The following DDC variants were observed in gnomAD, a reference collection of about 807,000 sequenced individuals.
DDC encodes aromatic-L-amino-acid decarboxylase.
In DDC, 43 loss-of-function variants were observed where a neutral mutation model predicts 60.0. The observed-to-expected ratio is 0.72, with a 90% confidence interval of 0.56 to 0.92. The LOEUF (loss-of-function observed/expected upper bound fraction) is 0.92, where lower values mean the gene tolerates loss of function less well. Ranked by LOEUF, DDC falls within the 40% of genes least tolerant of loss-of-function variation. The pLI is 0.00. For missense variants in DDC, 573 were observed against 620.2 expected (o/e 0.92, Z 0.81); for synonymous variants, 232 against 234.6 (o/e 0.99, Z 0.10).
At chr7:50,541,968 G>C (rs1009001360) in intron 2 of DDC, among the ~76,000 whole-genome samples, 4 of 152,130 alleles carry the variant, frequency 2.6e-5, no homozygotes, top group African/African-American at 9.7e-5. Flanking sequence ...CTTGGGGAGT[G>C]GTGGAGAGAG....
At chr7:50,500,292 A>G (rs970105700) in intron 7 of DDC, among the ~76,000 whole-genome samples, 2 of 152,112 alleles carry the variant, frequency 1.3e-5, no homozygotes, top group Non-Finnish European at 2.9e-5. Context: ...AGGGGCACTA[A>G]TTAGTCACAG....
At chr7:50,480,296 G>C (rs147635454) in intron 9 of DDC, among the ~76,000 whole-genome samples, 2 of 152,322 alleles carry the variant, frequency 1.3e-5, no homozygotes, top group Non-Finnish European at 2.9e-5. Flanking sequence ...GTTGGTAAAT[G>C]CTTCATGATG....
rs138684181 is a variant in DDC, at chr7:50,502,279, G to T, written c.781+1714C>A. Among the ~76,000 whole-genome samples the T allele has an allele frequency of 1.9e-3, 289 of 152,236 alleles. 1 individual carries two copies. Among genetic ancestry groups the T allele is most frequent in the African/African-American group, 6.7e-3 (278 of 41,542 alleles). On this transcript the variant is annotated intron_variant, in intron 7 of 14. Transcript: ENST00000444124. ...AGAGGGGGCCCCAGATAGCAGGAAGGCCTGAGCTGGATCCATCCAGGGGAC... is the reference window on the plus strand; with the variant it reads ...AGAGGGGGCCCCAGATAGCAGGAAGTCCTGAGCTGGATCCATCCAGGGGAC...
intron 6 of DDC, among the ~76,000 whole-genome samples, chr7:50,508,006 T>C (rs2043446943): frequency 6.6e-6 from 1 of 152,236 alleles, no homozygotes; most frequent in African/African-American, 2.4e-5. Flanking sequence ...TAGCTCTTGT[T>C]GTCCTGCCAC....
intron 1 of DDC, among the ~76,000 whole-genome samples, chr7:50,550,228 A>C (rs555549254): frequency 1.3e-5 from 2 of 152,390 alleles, no homozygotes; most frequent in African/African-American, 4.8e-5. Context: ...ACATGGAGGC[A>C]AGACCCTGCA....
intron 4 of DDC, among the ~76,000 whole-genome samples, chr7:50,535,862 T>C (rs1275649376): frequency 6.6e-6 from 1 of 152,186 alleles, no homozygotes; most frequent in Non-Finnish European, 1.5e-5. Flanking sequence ...TATCTCAGAT[T>C]GCCTGGATGG....
rs191320305 is a variant in DDC at position 50,506,133 on chromosome 7, G to A, written c.715-2074C>T. On this transcript the variant is annotated intron_variant, in intron 6 of 14. Coordinates refer to ENST00000444124, the MANE Select transcript of DDC (RefSeq NM_001082971.2). ...AATAATTTCAGTGGGCTCTGGGGTC[G>A]CATTTGGTCTGCTCCAGGTCACATT... Among the ~76,000 whole-genome samples, 51 of 152,246 alleles carry A rather than the reference G, an allele frequency of 3.3e-4. No individual in the cohort carries two copies. The East Asian group carries it at 3.5e-3, about 10-fold the overall frequency.
At chr7:50,507,742 A>C (rs967234327) in intron 6 of DDC, among the ~76,000 whole-genome samples, 5 of 152,198 alleles carry the variant, frequency 3.3e-5, no homozygotes, top group African/African-American at 9.7e-5. Flanking sequence ...ATCTTTGCAG[A>C]AACAATAAAA....
intron 9 of DDC, among the ~76,000 whole-genome samples, chr7:50,488,813 A>C (rs201704141): frequency 2.0e-5 from 3 of 152,238 alleles, no homozygotes; most frequent in Admixed American, 6.5e-5. Flanking sequence ...TTCATAAACC[A>C]AAATTTCAAC....
intron 10 of DDC, among the ~76,000 whole-genome samples, chr7:50,476,952 T>C (rs1297583342): frequency 6.6e-6 from 1 of 152,186 alleles, no homozygotes; most frequent in African/African-American, 2.4e-5. Flanking sequence ...CAGTAGAGAG[T>C]TAGCATTCAG....
intron 9 of DDC, among the ~76,000 whole-genome samples, chr7:50,483,882 C>G (rs1004863223): frequency 9.0e-5 from 13 of 144,096 alleles, no homozygotes; most frequent in Non-Finnish European, 1.2e-4. Context: ...CCAGCCTGGG[C>G]GACAGAGCAA....
At chr7:50,471,498 C>T (rs982724349) in intron 11 of DDC, among the ~76,000 whole-genome samples, 6 of 152,182 alleles carry the variant, frequency 3.9e-5, no homozygotes, top group Admixed American at 1.3e-4. Context: ...CTTCTCAAGT[C>T]AAAAGGGAAA....
intron 13 of DDC, 26 bp from the exon 14 acceptor site, chr7:50,463,457 G>A (rs775223995): frequency 3.7e-6 from 6 of 1,603,046 alleles, no homozygotes; most frequent in Non-Finnish European, 4.3e-6. Context: ...GAGAGGAACT[G>A]TGCTCAGGTC....
chr7:50,497,088 A>G (rs1163478164), intron 8 of DDC, among the ~76,000 whole-genome samples: 1 of 152,212 alleles, frequency 6.6e-6, no homozygotes, highest in Non-Finnish European at 1.5e-5. Context: ...AACTTCTCTC[A>G]TTACCCAGCA....
chr7:50,522,067 AAAC>A (rs1259227666), intron 6 of DDC, among the ~76,000 whole-genome samples: 1 of 152,198 alleles, frequency 6.6e-6, no homozygotes, highest in East Asian at 1.9e-4. Flanking sequence ...AGAACTAAGT[AAAC>A]AATTATGGCA....
At chr7:50,484,653 G>A (rs573539404) in intron 9 of DDC, among the ~76,000 whole-genome samples, 1 of 152,094 alleles carries the variant, frequency 6.6e-6, no homozygotes, top group East Asian at 1.9e-4. Flanking sequence ...GGACATACAT[G>A]GGCACACACA....
intron 13 of DDC, among the ~76,000 whole-genome samples, chr7:50,465,672 C>CA (rs370884427): frequency 6.6e-6 from 1 of 152,172 alleles, no homozygotes; most frequent in African/African-American, 2.4e-5. Flanking sequence ...ACGCCCAGCC[C>CA]AAATGTTAAC....
intron 9 of DDC, chr7:50,492,683 AATT>A: frequency 1.6e-6 from 2 of 1,221,720 alleles, no homozygotes; most frequent in South Asian, 1.7e-5. Flanking sequence ...TCTACAAGGA[AATT>A]TTCCAAATGG....
chr7:50,480,697 G>A (rs139581122), intron 9 of DDC, among the ~76,000 whole-genome samples: 91 of 152,338 alleles, frequency 6.0e-4, no homozygotes, highest in African/African-American at 2.1e-3. Flanking sequence ...GGTGTCAAGA[G>A]GGAAAACCAC....
Sources: gnomAD v4.1 joint callset for allele counts (sites outside exome capture counted in the v4.1 genomes callset) on GRCh38, gnomAD v4.1.1 for gene constraint, MANE v1.5 for transcripts, NCBI Gene and HGNC (gene_info 2026-07-23, HGNC 2026-07-21) for gene names.